Variants in ZRANB3 observed in about 807,000 individuals in gnomAD.
The protein encoded by ZRANB3 is zinc finger RANBP2-type containing 3, also known as DNA annealing helicase and endonuclease ZRANB3.
Under a neutral mutation model 133.8 loss-of-function variants are expected in ZRANB3, and 125 were observed. The observed-to-expected ratio is 0.93, with a 90% CI of 0.81 to 1.08. The LOEUF (loss-of-function observed/expected upper bound fraction) is 1.08. Ranked by LOEUF, ZRANB3 falls within the 50% of genes least tolerant of loss-of-function variation. ZRANB3 has a pLI of 0.00. For missense variants in ZRANB3, 1,229 were observed against 1,275.5 expected (o/e 0.96, Z 0.56); for synonymous variants, 387 against 432.7 (o/e 0.89, Z 1.31).
intron 8 of ZRANB3, among the ~76,000 whole-genome samples, chr2:135,291,691 C>T (rs539921617): frequency 6.6e-6 from 1 of 151,674 alleles, no homozygotes; most frequent in South Asian, 2.1e-4. Context: ...GTGTGCTGCA[C>T]CCATTAACTC....
chr2:135,461,528 G>A (rs1415913990), intron 2 of ZRANB3, among the ~76,000 whole-genome samples: 3 of 152,130 alleles, frequency 2.0e-5, no homozygotes, highest in South Asian at 2.1e-4. Flanking sequence ...CCGAGGTCAC[G>A]CCACTGCACT....
chr2:135,437,299 T>TACAACTAC (rs1305248887), intron 2 of ZRANB3, among the ~76,000 whole-genome samples: 27 of 152,316 alleles, frequency 1.8e-4, no homozygotes, highest in African/African-American at 6.5e-4. Flanking sequence ...ATGAAGTATT[T>TACAACTAC]ACAACTACAC....
intron 17 of ZRANB3, among the ~76,000 whole-genome samples, chr2:135,213,621 A>G (rs756939712): frequency 6.6e-6 from 1 of 152,122 alleles, no homozygotes; most frequent in Admixed American, 6.6e-5. Context: ...AGCTCTCTTC[A>G]TTCTCTTTCC....
chr2:135,451,126 A>G (rs1690249617), intron 2 of ZRANB3, among the ~76,000 whole-genome samples: 1 of 152,232 alleles, frequency 6.6e-6, no homozygotes. Flanking sequence ...CTATTTGACG[A>G]AAGTTAAAGA....
At chr2:135,484,194 C>T (rs1010640477) in intron 2 of ZRANB3, among the ~76,000 whole-genome samples, 5 of 152,090 alleles carry the variant, frequency 3.3e-5, no homozygotes, top group African/African-American at 1.2e-4. Flanking sequence ...GTCTTTTCTT[C>T]CCCAGACAGA....
rs201666971 is a variant in ZRANB3 at position 135,217,597 on chromosome 2, A to T, written c.2363T>A (p.Phe788Tyr). The change falls in exon 17 of 21, where the codon TTT (phenylalanine) becomes TAT (tyrosine). Residue 788 changes from phenylalanine to tyrosine, a missense_variant. By Grantham distance (22) the Phe-to-Tyr change is conservative. Coordinates refer to ENST00000264159, the MANE Select transcript of ZRANB3 (RefSeq NM_032143.4). ...LKQYRSLILR[F>Y]VREWSSLTAM... ...AGTTAGACTACTCCATTCTCGAACA[A>T]ATCTCAAAATCTGGCAGAAAATGAG... 2.8e-4 allele frequency: 446 copies of T among 1,609,674 alleles called. 1 individual carries two copies. Among genetic ancestry groups the T allele is most frequent in the Non-Finnish European group, 3.7e-4 (432 of 1,179,006 alleles).
chr2:135,229,584 G>C (rs1296950171), intron 13 of ZRANB3, among the ~76,000 whole-genome samples: 2 of 152,010 alleles, frequency 1.3e-5, no homozygotes, highest in East Asian at 3.9e-4. Flanking sequence ...AGCCAGGATG[G>C]TCTCGATCTC....
chr2:135,307,371 T>G (rs1682757451), intron 8 of ZRANB3, among the ~76,000 whole-genome samples: 1 of 152,234 alleles, frequency 6.6e-6, no homozygotes, highest in Non-Finnish European at 1.5e-5. Flanking sequence ...CGGCCAGATT[T>G]TTTATGATTA....
At chr2:135,256,929 T>C (rs1424566132) in intron 12 of ZRANB3, among the ~76,000 whole-genome samples, 1 of 152,200 alleles carries the variant, frequency 6.6e-6, no homozygotes, top group Non-Finnish European at 1.5e-5. Context: ...CAGCTCATTA[T>C]ATGCTAATTA....
intron 2 of ZRANB3, among the ~76,000 whole-genome samples, chr2:135,394,553 A>G (rs1336354375): frequency 6.6e-6 from 1 of 152,128 alleles, no homozygotes; most frequent in African/African-American, 2.4e-5. Flanking sequence ...CCTAGGAAGG[A>G]AGAGTATAGA....
chr2:135,295,288 T>C (rs541902591), intron 8 of ZRANB3, among the ~76,000 whole-genome samples: 1,713 of 152,314 alleles, frequency 0.011, 26 homozygotes, highest in South Asian at 0.021. Flanking sequence ...ATATTTAGGA[T>C]AGTTAGCTCT....
intron 2 of ZRANB3, among the ~76,000 whole-genome samples, chr2:135,439,301 A>G (rs1367593593): frequency 6.6e-6 from 1 of 152,210 alleles, no homozygotes; most frequent in Non-Finnish European, 1.5e-5. Flanking sequence ...TAATTTATTC[A>G]TAACGACCTC....
intron 2 of ZRANB3, among the ~76,000 whole-genome samples, chr2:135,479,907 GT>G (rs1450941418): frequency 6.6e-6 from 1 of 151,390 alleles, no homozygotes; most frequent in African/African-American, 2.4e-5. Context: ...ATCTCTTTTG[GT>G]TTTTTATACC....
intron 8 of ZRANB3, among the ~76,000 whole-genome samples, chr2:135,313,180 A>G (rs1382712272): frequency 1.3e-5 from 2 of 151,710 alleles, no homozygotes; most frequent in African/African-American, 2.4e-5. Flanking sequence ...GTATGTCTGA[A>G]TTTTTCCATA....
chr2:135,411,505 T>A (rs2104954708), intron 2 of ZRANB3, among the ~76,000 whole-genome samples: 1 of 152,282 alleles, frequency 6.6e-6, no homozygotes, highest in African/African-American at 2.4e-5. Flanking sequence ...AGCAAAGTCA[T>A]GGAATCAACC....
At chr2:135,464,503 T>A (rs959146835) in intron 2 of ZRANB3, among the ~76,000 whole-genome samples, 9 of 152,170 alleles carry the variant, frequency 5.9e-5, no homozygotes, top group Non-Finnish European at 1.0e-4. Flanking sequence ...AAAATCAGAA[T>A]AATTCACAAA....
chr2:135,303,589 T>A (rs1682547425), intron 8 of ZRANB3, among the ~76,000 whole-genome samples: 1 of 152,182 alleles, frequency 6.6e-6, no homozygotes. Flanking sequence ...TTATTAAGTA[T>A]TTATATAATG....
chr2:135,222,428 T>C (rs946386683), intron 15 of ZRANB3, among the ~76,000 whole-genome samples: 1 of 151,636 alleles, frequency 6.6e-6, no homozygotes, highest in African/African-American at 2.4e-5. Flanking sequence ...AAATTTAAAA[T>C]TTTAGACCAA....
intron 4 of ZRANB3, among the ~76,000 whole-genome samples, chr2:135,352,742 T>C (rs1475787795): frequency 1.3e-5 from 2 of 152,314 alleles, no homozygotes; most frequent in East Asian, 1.9e-4. Context: ...AACAGATATT[T>C]ATTTCAGTAG....
Sources: gnomAD v4.1 joint callset for allele counts (sites outside exome capture counted in the v4.1 genomes callset) on GRCh38, gnomAD v4.1.1 for gene constraint, MANE v1.5 for transcripts, NCBI Gene and HGNC (gene_info 2026-07-23, HGNC 2026-07-21) for gene names.